Variants in EVA1C observed in about 807,000 individuals in gnomAD.
EVA1C encodes the protein eva-1 homolog C.
In EVA1C, 25 loss-of-function variants were observed where a neutral mutation model predicts 45.4. The observed-to-expected ratio is 0.55, with a 90% CI of 0.40 to 0.77. The LOEUF is 0.77. Among genes scored for constraint, EVA1C ranks in the 30% least tolerant of loss-of-function variants. The pLI, the probability that EVA1C is intolerant of heterozygous loss-of-function variation, is 0.00. For synonymous variants in EVA1C, 190 were observed against 221.2 expected (o/e 0.86, Z 1.25); for missense variants, 479 against 554.8 (o/e 0.86, Z 1.37).
chr21:32,466,640 G>A (rs1303500905), intron 3 of EVA1C, among the ~76,000 whole-genome samples: 1 of 151,986 alleles, frequency 6.6e-6, no homozygotes, highest in African/African-American at 2.4e-5. Flanking sequence ...GCACTACCTG[G>A]TCCAAAACAT....
intron 5 of EVA1C, among the ~76,000 whole-genome samples, chr21:32,498,906 T>A (rs183328236): frequency 6.6e-6 from 1 of 152,304 alleles, no homozygotes; most frequent in African/African-American, 2.4e-5. Context: ...GGAACTAGTT[T>A]GAATCAAGGA....
intron 3 of EVA1C, among the ~76,000 whole-genome samples, chr21:32,462,505 C>T (rs938372987): frequency 1.3e-5 from 2 of 152,262 alleles, no homozygotes; most frequent in African/African-American, 4.8e-5. Context: ...CGCGGCAGAT[C>T]CTTCCTCTGC....
intron 1 of EVA1C, chr21:32,453,041 T>G (rs996294212): frequency 1.0e-5 from 4 of 388,984 alleles, no homozygotes; most frequent in African/African-American, 8.0e-5. Flanking sequence ...CACAAGCCCA[T>G]GGGTGGAGCC....
At chr21:32,475,340 T>TATCATCATC (rs61177845) in intron 4 of EVA1C, among the ~76,000 whole-genome samples, 101 of 150,936 alleles carry the variant, frequency 6.7e-4, no homozygotes, top group African/African-American at 2.4e-3. Context: ...TCTTCTAAAA[T>TATCATCATC]ATCATCATCA....
At chr21:32,415,308 T>A (rs1229751174) in intron 1 of EVA1C, among the ~76,000 whole-genome samples, 1 of 152,146 alleles carries the variant, frequency 6.6e-6, no homozygotes, top group African/African-American at 2.4e-5. Flanking sequence ...CCTGTTTTTC[T>A]AAATAAAGGG....
chr21:32,490,535 G>A (rs951861481), intron 4 of EVA1C, among the ~76,000 whole-genome samples: 4 of 152,108 alleles, frequency 2.6e-5, no homozygotes, highest in African/African-American at 9.7e-5. Context: ...GAAGGAAGGA[G>A]TCCAGTGAGT....
intron 4 of EVA1C, 72 bp downstream of exon 4, chr21:32,467,920 A>ATATC (rs1305609188): frequency 1.2e-6 from 1 of 862,444 alleles, no homozygotes; most frequent in Non-Finnish European, 1.6e-6. Context: ...ATATATATAT[A>ATATC]TCCTATATAT....
intron 1 of EVA1C, among the ~76,000 whole-genome samples, chr21:32,431,989 G>A (rs1477551722): frequency 1.3e-5 from 2 of 152,176 alleles, no homozygotes; most frequent in Non-Finnish European, 2.9e-5. Context: ...ATTTTCAGTT[G>A]TTGTGTCTCT....
chr21:32,432,820 A>G (rs562030690), intron 1 of EVA1C, among the ~76,000 whole-genome samples: 4 of 152,278 alleles, frequency 2.6e-5, no homozygotes, highest in African/African-American at 9.6e-5. Context: ...TCCTGGGCTC[A>G]AGCGATCCTC....
chr21:32,495,090 A>G lies in EVA1C; in HGVS notation c.698A>G (p.Lys233Arg). The G allele has an allele frequency of 6.2e-7, 1 of 1,614,098 alleles. No individual in the cohort carries two copies. Among genetic ancestry groups the G allele is most frequent in the Non-Finnish European group, 8.5e-7 (1 of 1,180,028 alleles). The part of the protein sequence containing the change: ...SRRCYGKQRC[K>R]IIVNNHHFGS... ...AGGTGCTATGGGAAGCAGAGATGCAAAATCATCGTCAACAATCACCATTTT... is the reference window on the plus strand; with the variant it reads ...AGGTGCTATGGGAAGCAGAGATGCAGAATCATCGTCAACAATCACCATTTT... The change falls in exon 5 of 8, where the codon AAA becomes AGA. Residue 233 changes from lysine (K) to arginine (R), a missense_variant. Around this residue, in one of 3 missense-constraint regions of EVA1C, gnomAD observed 366 missense variants for 426.1 expected, o/e 0.86. Coordinates refer to ENST00000300255, the MANE Select transcript of EVA1C (RefSeq NM_058187.5).
At chr21:32,502,446 G>A (rs1310399441) in intron 6 of EVA1C, among the ~76,000 whole-genome samples, 2 of 151,994 alleles carry the variant, frequency 1.3e-5, no homozygotes, top group Non-Finnish European at 2.9e-5. Flanking sequence ...GAGGGGTAGG[G>A]AGTTGAGGGG....
At chr21:32,490,100 G>C (rs773329536) in intron 4 of EVA1C, among the ~76,000 whole-genome samples, 2 of 151,954 alleles carry the variant, frequency 1.3e-5, no homozygotes, top group Non-Finnish European at 2.9e-5. Flanking sequence ...CACCATGCCC[G>C]GCCTACCACC....
At chr21:32,423,885 C>T (rs2034388696) in intron 1 of EVA1C, among the ~76,000 whole-genome samples, 1 of 152,184 alleles carries the variant, frequency 6.6e-6, no homozygotes, top group African/African-American at 2.4e-5. Context: ...GATTTCATGT[C>T]TGCCTCTGAT....
chr21:32,503,294 C>T (rs2037617117), intron 6 of EVA1C, among the ~76,000 whole-genome samples: 1 of 152,210 alleles, frequency 6.6e-6, no homozygotes, highest in Non-Finnish European at 1.5e-5. Context: ...GCCTGTTATC[C>T]CAACACTTTG....
At chr21:32,460,870 T>G (rs956482939) in intron 3 of EVA1C, among the ~76,000 whole-genome samples, 10 of 152,052 alleles carry the variant, frequency 6.6e-5, no homozygotes, top group African/African-American at 1.9e-4. Flanking sequence ...CTCAGCCTCC[T>G]GAGTAACTGG....
intron 4 of EVA1C, 133 bp downstream of exon 4, chr21:32,467,981 T>A: frequency 5.7e-6 from 3 of 529,674 alleles, no homozygotes; most frequent in Non-Finnish European, 8.4e-6. Flanking sequence ...GATCTTGTGA[T>A]CGTGTAAGTT....
intron 1 of EVA1C, among the ~76,000 whole-genome samples, chr21:32,419,651 G>T (rs771673665): frequency 6.6e-6 from 1 of 152,172 alleles, no homozygotes; most frequent in Non-Finnish European, 1.5e-5. Flanking sequence ...GGAGGTGAAG[G>T]TTGCAGTGAG....
chr21:32,479,361 T>G (rs2036695111), intron 4 of EVA1C, among the ~76,000 whole-genome samples: 1 of 152,166 alleles, frequency 6.6e-6, no homozygotes, highest in Non-Finnish European at 1.5e-5. Context: ...AGGCGGAGAT[T>G]GCAGTGAGCT....
chr21:32,514,064 T>G (rs1027673664), intron 7 of EVA1C, among the ~76,000 whole-genome samples: 1 of 152,126 alleles, frequency 6.6e-6, no homozygotes, highest in Admixed American at 6.5e-5. Context: ...AATCTAGAAG[T>G]GATTTAAAGA....
Sources: allele counts gnomAD v4.1 joint callset (sites outside exome capture counted in the v4.1 genomes callset), GRCh38; gene constraint gnomAD v4.1.1; regional missense constraint gnomAD v4.1.1; transcripts MANE v1.5; gene names NCBI Gene and HGNC (gene_info 2026-07-23, HGNC 2026-07-21).